The following GNB1 variants were observed in gnomAD, a reference collection of about 807,000 sequenced individuals.
The protein encoded by GNB1 is G protein subunit beta 1.
A neutral mutation model predicts 42.9 loss-of-function variants in GNB1; 2 were observed. The observed-to-expected ratio is 0.05, with a 90% CI of 0.02 to 0.15. The LOEUF (loss-of-function observed/expected upper bound fraction) is 0.15, where lower values mean the gene tolerates loss of function less well. Among genes scored for constraint, GNB1 ranks in the 10% least tolerant of loss-of-function variants. GNB1 has a pLI of 1.00. For missense variants in GNB1, 193 were observed against 462.2 expected (o/e 0.42, Z 5.34); for synonymous variants, 183 against 174.7 (o/e 1.05, Z -0.38).
chr1:1,878,924 T>A (rs1649691108), intron 1 of GNB1, among the ~76,000 whole-genome samples: 2 of 152,180 alleles, frequency 1.3e-5, no homozygotes, highest in South Asian at 4.1e-4. Flanking sequence ...CTTCGGACCA[T>A]TCCCTCTGCT....
At chr1:1,883,967 C>CT (rs1186881007) in intron 1 of GNB1, among the ~76,000 whole-genome samples, 3,316 of 136,250 alleles carry the variant, frequency 0.024, 93 homozygotes, top group South Asian at 0.079. Context: ...AGTGTCCGGA[C>CT]TTTTTTTTTT....
At chr1:1,889,871 A>C (rs1570772093) in intron 1 of GNB1, among the ~76,000 whole-genome samples, 13 of 149,432 alleles carry the variant, frequency 8.7e-5, no homozygotes, top group South Asian at 2.2e-4. Flanking sequence ...AGATCTCCCC[A>C]CTCCCCACCC....
intron 1 of GNB1, among the ~76,000 whole-genome samples, chr1:1,845,252 A>G (rs1401941137): frequency 6.6e-6 from 1 of 152,206 alleles, no homozygotes; most frequent in Non-Finnish European, 1.5e-5. Flanking sequence ...GAGTTCTGAA[A>G]TTTAAGCGTC....
intron 1 of GNB1, among the ~76,000 whole-genome samples, chr1:1,869,513 AG>A (rs1215076692): frequency 6.6e-6 from 1 of 152,178 alleles, no homozygotes; most frequent in Non-Finnish European, 1.5e-5. Context: ...CAGGAACTGG[AG>A]CTTTTCCTAC....
chr1:1,794,723 G>C (rs1374977366), intron 7 of GNB1, among the ~76,000 whole-genome samples: 1 of 152,144 alleles, frequency 6.6e-6, no homozygotes, highest in Non-Finnish European at 1.5e-5. Flanking sequence ...ACAGAGTCTC[G>C]TGCTGTCGCC....
intron 4 of GNB1, among the ~76,000 whole-genome samples, chr1:1,816,483 T>C (rs889123062): frequency 6.6e-6 from 1 of 152,114 alleles, no homozygotes; most frequent in Admixed American, 6.6e-5. Flanking sequence ...TAATTCTATG[T>C]AGCCTAATTT....
intron 5 of GNB1, among the ~76,000 whole-genome samples, chr1:1,809,189 A>ATTTTTTTT (rs34549355): frequency 1.1e-5 from 1 of 92,724 alleles, no homozygotes; most frequent in African/African-American, 3.4e-5. Flanking sequence ...TTCAGATGCA[A>ATTTTTTTT]TTTTTTTTTT....
chr1:1,830,040 C>T (rs1178526165), intron 2 of GNB1, among the ~76,000 whole-genome samples: 1 of 150,764 alleles, frequency 6.6e-6, no homozygotes, highest in Non-Finnish European at 1.5e-5. Context: ...GCGCCCGGCC[C>T]GCCATCTTTT....
chr1:1,885,556 T>A (rs1245048789), intron 1 of GNB1, among the ~76,000 whole-genome samples: 1 of 144,642 alleles, frequency 6.9e-6, no homozygotes, highest in Non-Finnish European at 1.5e-5. Context: ...TTAATCTTTT[T>A]TTTTTTTTTT....
chr1:1,853,126 A>T (rs1044080112), intron 1 of GNB1, among the ~76,000 whole-genome samples: 1 of 151,068 alleles, frequency 6.6e-6, no homozygotes, highest in African/African-American at 2.4e-5. Flanking sequence ...CTCCACTCCC[A>T]CTGCTTCAGC....
intron 1 of GNB1, among the ~76,000 whole-genome samples, chr1:1,890,162 G>A (rs554401230): frequency 6.6e-6 from 1 of 152,266 alleles, no homozygotes; most frequent in South Asian, 2.1e-4. Flanking sequence ...CTCGGCAGGA[G>A]AAGGGCGAGG....
At chr1:1,846,270 G>A (rs990751240) in intron 1 of GNB1, among the ~76,000 whole-genome samples, 9 of 151,846 alleles carry the variant, frequency 5.9e-5, no homozygotes, top group Admixed American at 3.3e-4. Context: ...AATACACATA[G>A]AAGGAGTAAG....
chr1:1,809,887 C>CT (rs1355458898), intron 5 of GNB1, among the ~76,000 whole-genome samples: 4 of 152,118 alleles, frequency 2.6e-5, no homozygotes, highest in African/African-American at 9.7e-5. Flanking sequence ...AGCTAACAGG[C>CT]TCCAGGACCC....
intron 1 of GNB1, among the ~76,000 whole-genome samples, chr1:1,866,668 A>T (rs2101719733): frequency 6.6e-6 from 1 of 151,608 alleles, no homozygotes; most frequent in South Asian, 2.1e-4. Context: ...AAAAAATCTC[A>T]ATGTGGCCGG....
chr1:1,848,892 C>T (rs938878481), intron 1 of GNB1, among the ~76,000 whole-genome samples: 3 of 152,316 alleles, frequency 2.0e-5, no homozygotes, highest in African/African-American at 7.2e-5. Context: ...GGTCTTTGTT[C>T]CCAGTTCCTC....
chr1:1,890,362 A>C (rs923064298), intron 1 of GNB1: 1 of 147,916 alleles, frequency 6.8e-6, no homozygotes, highest in Non-Finnish European at 1.5e-5. Context: ...CCTCAAAGTC[A>C]CCCCGATAGG....
intron 2 of GNB1, among the ~76,000 whole-genome samples, chr1:1,826,401 A>G (rs1291300523): frequency 6.6e-6 from 1 of 152,212 alleles, no homozygotes; most frequent in African/African-American, 2.4e-5. Flanking sequence ...TGGGTGACAG[A>G]GCGAGACTCC....
At position 1,793,319 on chromosome 1, in the gene GNB1, A is replaced by C; in HGVS notation, c.431-8T>G. 6.2e-7 allele frequency: 1 copy of C among 1,608,814 alleles called. No homozygotes were observed. The highest frequency in any genetic ancestry group is 8.5e-7 in the Non-Finnish European group (1 of 1,175,566). ...GGCAGCAGGACAGGTAACCTGGCAA[A>C]GAACAGGCCTAAGTGATGAGCTGAA... On this transcript the variant is annotated splice_region_variant and splice_polypyrimidine_tract_variant and intron_variant, in intron 7 of 11. Coordinates refer to ENST00000378609, the MANE Select transcript of GNB1 (RefSeq NM_002074.5).
Position 1,804,410 on chromosome 1 carries a change from G to T in GNB1, c.430+9C>A. 1 of 1,608,008 alleles carries T rather than the reference G, an allele frequency of 6.2e-7. No homozygotes were observed. The highest frequency in any genetic ancestry group is 8.5e-7 in the Non-Finnish European group (1 of 1,174,524). On this transcript the variant is annotated intron_variant, in intron 7 of 11. Transcript: ENST00000378609. ...GTGTCACTTGAAGCTTATGAACAAGGACAGGTACCTGTGTGTCCTGCCAGC... is the reference window on the plus strand; with the variant it reads ...GTGTCACTTGAAGCTTATGAACAAGTACAGGTACCTGTGTGTCCTGCCAGC...
Sources: gnomAD v4.1 joint callset for allele counts (sites outside exome capture counted in the v4.1 genomes callset) on GRCh38, gnomAD v4.1.1 for gene constraint, MANE v1.5 for transcripts, NCBI Gene and HGNC (gene_info 2026-07-23, HGNC 2026-07-21) for gene names.